Variants in BRAF observed in about 807,000 individuals in gnomAD.
BRAF encodes serine/threonine-protein kinase B-raf.
A neutral mutation model predicts 104.6 loss-of-function variants in BRAF; 16 were observed. The observed-to-expected ratio is 0.15, with a 90% CI of 0.10 to 0.23. BRAF has a LOEUF of 0.23. BRAF is among the 10% of genes least tolerant of loss of function. BRAF has a pLI of 1.00. For missense variants in BRAF, 541 were observed against 937.3 expected (o/e 0.58, Z 5.52); for synonymous variants, 310 against 341.6 (o/e 0.91, Z 1.02).
chr7:140,839,166 A>G (rs1807658855), intron 2 of BRAF, among the ~76,000 whole-genome samples: 1 of 152,112 alleles, frequency 6.6e-6, no homozygotes, highest in African/African-American at 2.4e-5. Flanking sequence ...ACTACCTCAC[A>G]ACATATCCAA....
At chr7:140,881,175 C>G (rs1812862249) in intron 1 of BRAF, among the ~76,000 whole-genome samples, 1 of 152,128 alleles carries the variant, frequency 6.6e-6, no homozygotes, top group Non-Finnish European at 1.5e-5. Context: ...TTCATTGTTC[C>G]ATTTACAGAG....
chr7:140,716,012 TCA>T (rs760820271), downstream of BRAF, among the ~76,000 whole-genome samples: 15 of 152,318 alleles, frequency 9.8e-5, no homozygotes, highest in Middle Eastern at 6.8e-3. Flanking sequence ...GCCTTTTTGA[TCA>T]CAGTTTAAGA....
chr7:140,764,122 G>A (rs1214158358), intron 14 of BRAF, among the ~76,000 whole-genome samples: 1 of 152,086 alleles, frequency 6.6e-6, no homozygotes, highest in Non-Finnish European at 1.5e-5. Flanking sequence ...CTTCATCCCT[G>A]GGATGCAAGG....
downstream of BRAF, among the ~76,000 whole-genome samples, chr7:140,715,736 A>AAAGGATTTTAAGTACAACAT (rs1278239238): frequency 6.6e-6 from 1 of 152,234 alleles, no homozygotes; most frequent in Non-Finnish European, 1.5e-5. Context: ...AGGAGTCCCA[A>AAAGGATTTTAAGTACAACAT]AAGGATTTTA....
chr7:140,722,271 A>C lies in BRAF; in HGVS notation c.*4223T>G. 2 of 1,056,342 alleles carry C rather than the reference A, an allele frequency of 1.9e-6. No homozygotes were observed. Among genetic ancestry groups the C allele is most frequent in the Non-Finnish European group, 2.3e-6 (2 of 873,702 alleles). The allele number at this position is 1,056,342 out of a possible 1,614,324, so 65.4% of individuals were successfully genotyped here. ...TTTACCTGTGTGTTTTCTCATTGTT[A>C]AATGTGATTTTGGCTATAAACTCTT... On this transcript the variant is annotated 3_prime_UTR_variant, in exon 20 of 20. Transcript: ENST00000644969.
At chr7:140,777,185 A>G in intron 13 of BRAF, 97 bp from the exon 13 acceptor site, 1 of 1,323,344 alleles carries the variant, frequency 7.6e-7, no homozygotes, top group Non-Finnish European at 1.1e-6. Flanking sequence ...AAATGTTGTC[A>G]GAAAAAGCTT....
chr7:140,782,181 T>A (rs973454522), intron 11 of BRAF, among the ~76,000 whole-genome samples: 1 of 152,216 alleles, frequency 6.6e-6, no homozygotes, highest in African/African-American at 2.4e-5. Flanking sequence ...GTCCTTGTGA[T>A]ACTTTGCTCA....
At chr7:140,845,116 T>C (rs375150825) in intron 2 of BRAF, among the ~76,000 whole-genome samples, 3 of 152,284 alleles carry the variant, frequency 2.0e-5, no homozygotes, top group African/African-American at 7.2e-5. Flanking sequence ...CTTGCATATA[T>C]AGTCAAATGG....
rs183250730 is a variant in BRAF, at chr7:140,880,846, T to C, written c.139-30634A>G. 3.5e-4 allele frequency among the ~76,000 whole-genome samples: 53 copies of C among 150,582 alleles called. 1 individual carries two copies. In the East Asian group the frequency reaches 9.5e-3, roughly 27 times the overall value. ...TTAGCTGGGCATGGTGGTGCATGCC[T>C]GTAGTCCCACCTACTCAGGCAGCTG... On this transcript the variant is annotated intron_variant, in intron 1 of 19. Coordinates refer to ENST00000644969, the MANE Select transcript of BRAF (RefSeq NM_001374258.1).
chr7:140,749,515 A>G, intron 16 of BRAF, 97 bp from the exon 16 acceptor site: 2 of 1,298,228 alleles, frequency 1.5e-6, no homozygotes, highest in South Asian at 2.5e-5. Context: ...TTTACCATTA[A>G]AACACCTGTC....
intron 1 of BRAF, among the ~76,000 whole-genome samples, chr7:140,866,537 G>T (rs1228389427): frequency 6.6e-6 from 1 of 152,146 alleles, no homozygotes; most frequent in Non-Finnish European, 1.5e-5. Context: ...ATAAGTGCTG[G>T]CTATATAAAA....
intron 19 of BRAF, chr7:140,732,170 C>CAAACAAAA (rs1796024226): frequency 4.2e-5 from 1 of 23,686 alleles, no homozygotes; most frequent in African/African-American, 7.6e-5. Flanking sequence ...GACTCTGTCT[C>CAAACAAAA]AAAAAAAAAA....
intron 1 of BRAF, among the ~76,000 whole-genome samples, chr7:140,873,415 C>T (rs1177562191): frequency 2.0e-5 from 3 of 152,286 alleles, no homozygotes; most frequent in African/African-American, 7.2e-5. Flanking sequence ...GGTGATCCAT[C>T]TGCCTCGGCC....
At chr7:140,868,273 A>C (rs1811198171) in intron 1 of BRAF, among the ~76,000 whole-genome samples, 1 of 152,250 alleles carries the variant, frequency 6.6e-6, no homozygotes. Flanking sequence ...GGAGACACAA[A>C]AACTTGTGAA....
chr7:140,777,001 G>A lies in BRAF; in HGVS notation c.1725C>T (p.Ser575=), dbSNP rs982876525. The stretch of plus-strand genomic sequence containing the variant: ...TGATATGGAGATGGTGATACAAGCT[G>A]GAGCCCTCACACCACTGGGTAACAA... ...LAIVTQWCEG[S]SLYHHLHIIE... Residue 575 remains serine (S), a synonymous_variant, in exon 14 of 20, where the codon TCC becomes TCT. Coordinates refer to ENST00000644969, the MANE Select transcript of BRAF (RefSeq NM_001374258.1). The A allele has an allele frequency of 1.2e-6, 2 of 1,613,690 alleles. No homozygotes were observed. Among genetic ancestry groups the A allele is most frequent in the South Asian group, 1.1e-5 (1 of 91,062 alleles).
chr7:140,865,503 T>C (rs950302132), intron 1 of BRAF, among the ~76,000 whole-genome samples: 1 of 152,152 alleles, frequency 6.6e-6, no homozygotes, highest in Admixed American at 6.5e-5. Context: ...TGCAGGCAGG[T>C]AGCGGGCATT....
rs1272151232 is a variant in BRAF, at chr7:140,799,326, C to T, written c.980+1036G>A. The stretch of plus-strand genomic sequence containing the variant: ...CACTACCAACAACATCCTAGGTTGG[C>T]CTTCTTCACCCTAAATTTTCTGTCA... On this transcript the variant is annotated intron_variant, in intron 7 of 19. Coordinates refer to ENST00000644969, the MANE Select transcript of BRAF (RefSeq NM_001374258.1). 1.7e-5 allele frequency: 4 copies of T among 232,442 alleles called. No individual in the cohort carries two copies. In the Admixed American group the frequency reaches 2.3e-4, roughly 13 times the overall value. The allele number at this position is 232,442 out of a possible 1,614,324, so 14.4% of individuals were successfully genotyped here. A position where few individuals can be genotyped will look rare whatever the true frequency, so the allele number is the denominator to read the frequency against.
intron 17 of BRAF, 137 bp downstream of exon 16, chr7:140,749,150 A>G (rs1797584896): frequency 2.5e-6 from 3 of 1,213,746 alleles, no homozygotes; most frequent in Admixed American, 2.1e-5. Context: ...AAAAGTATAC[A>G]AACGATTTCT....
At chr7:140,832,084 G>A (rs992066517) in intron 3 of BRAF, among the ~76,000 whole-genome samples, 10 of 152,150 alleles carry the variant, frequency 6.6e-5, no homozygotes, top group African/African-American at 2.4e-4. Flanking sequence ...TTCTCTGACA[G>A]AATCCTATCC....
Sources: allele counts gnomAD v4.1 joint callset (sites outside exome capture counted in the v4.1 genomes callset), GRCh38; gene constraint gnomAD v4.1.1; transcripts MANE v1.5; gene names NCBI Gene and HGNC (gene_info 2026-07-23, HGNC 2026-07-21).